The following PICALM variants were observed in gnomAD, a reference collection of about 807,000 sequenced individuals.
PICALM encodes phosphatidylinositol-binding clathrin assembly protein.
PICALM carries 40 observed loss-of-function variants against 80.5 expected under a neutral mutation model. That is an observed-to-expected ratio of 0.50 (90% confidence interval 0.39 to 0.65). The LOEUF is 0.65. Ranked by LOEUF, PICALM falls within the 30% of genes least tolerant of loss-of-function variation. The pLI, the probability that PICALM is intolerant of heterozygous loss-of-function variation, is 0.00. For synonymous variants in PICALM, 288 were observed against 260.3 expected, an observed-to-expected ratio of 1.11 and a Z score of -1.02; for missense variants, 676 against 778.9, an observed-to-expected ratio of 0.87 and a Z score of 1.57.
chr11:86,008,088 C>A (rs1022603929), intron 7 of PICALM, among the ~76,000 whole-genome samples: 17 of 152,262 alleles, frequency 1.1e-4, no homozygotes, highest in African/African-American at 4.1e-4. Flanking sequence ...GCCAGGTTTA[C>A]ATAAATGTCA....
chr11:86,036,988 C>G (rs192660253), intron 1 of PICALM, among the ~76,000 whole-genome samples: 21 of 150,684 alleles, frequency 1.4e-4, no homozygotes, highest in Non-Finnish European at 3.0e-4. Context: ...TGCTCTGTAG[C>G]CAGGCTGGAG....
At chr11:86,059,201 G>C (rs1367553198) in intron 1 of PICALM, among the ~76,000 whole-genome samples, 1 of 152,198 alleles carries the variant, frequency 6.6e-6, no homozygotes, top group Non-Finnish European at 1.5e-5. Context: ...TCATGGAATA[G>C]TCTGAGCTAT....
intron 4 of PICALM, among the ~76,000 whole-genome samples, chr11:86,019,447 T>C (rs1404146658): frequency 6.6e-6 from 1 of 152,168 alleles, no homozygotes; most frequent in Non-Finnish European, 1.5e-5. Context: ...GACTGCTCTA[T>C]TAAATAAAAA....
chr11:85,998,841 C>T (rs147924330), intron 11 of PICALM, among the ~76,000 whole-genome samples: 279 of 152,268 alleles, frequency 1.8e-3, no homozygotes, highest in Non-Finnish European at 3.3e-3. Context: ...CCCAGGCTAG[C>T]TTGTACGGCT....
chr11:86,041,641 A>G (rs1178634415), intron 1 of PICALM, among the ~76,000 whole-genome samples: 1 of 152,184 alleles, frequency 6.6e-6, no homozygotes, highest in Non-Finnish European at 1.5e-5. Context: ...TCATGGCTGA[A>G]CCCAAGCCAA....
At chr11:86,060,247 A>G (rs746487524) in intron 1 of PICALM, among the ~76,000 whole-genome samples, 3 of 152,192 alleles carry the variant, frequency 2.0e-5, no homozygotes, top group Non-Finnish European at 4.4e-5. Flanking sequence ...CACTTTTAAA[A>G]TTGAGGAGCC....
chr11:86,020,975 C>T (rs975711711), intron 4 of PICALM, among the ~76,000 whole-genome samples: 9 of 152,012 alleles, frequency 5.9e-5, no homozygotes, highest in Non-Finnish European at 1.3e-4. Context: ...ATTATTTATG[C>T]GATAAGAAAC....
rs1049273053 is a variant in PICALM at position 86,056,678 on chromosome 11, C to T, written c.130+11973G>A. ...CAGTAATTTTACTCCTAGATATATA[C>T]CTAAGAGAACTGAAAATATGTTCAC... On this transcript the variant is annotated intron_variant, in intron 1 of 19. Coordinates refer to ENST00000393346, the MANE Select transcript of PICALM (RefSeq NM_007166.4). 3.3e-5 allele frequency among the ~76,000 whole-genome samples: 5 copies of T among 152,124 alleles called. 1 individual carries two copies. In the Middle Eastern group the frequency reaches 0.01, roughly 313 times the overall value.
chr11:86,039,601 T>C (rs1030268719), intron 1 of PICALM, among the ~76,000 whole-genome samples: 2 of 152,150 alleles, frequency 1.3e-5, no homozygotes, highest in Admixed American at 1.3e-4. Flanking sequence ...AAGTTCTTCC[T>C]GAAGAAGGTA....
intron 1 of PICALM, among the ~76,000 whole-genome samples, chr11:86,041,748 G>T (rs1295771833): frequency 1.3e-5 from 2 of 152,052 alleles, no homozygotes; most frequent in Non-Finnish European, 2.9e-5. Flanking sequence ...AATCAACACT[G>T]AAAACACATT....
intron 13 of PICALM, among the ~76,000 whole-genome samples, chr11:85,989,236 T>A (rs1258258068): frequency 6.6e-6 from 1 of 152,200 alleles, no homozygotes. Context: ...TATCACACTT[T>A]GGATATATAT....
At chr11:85,964,920 A>T (rs913077563) in intron 19 of PICALM, among the ~76,000 whole-genome samples, 38 of 152,242 alleles carry the variant, frequency 2.5e-4, no homozygotes, top group African/African-American at 8.7e-4. Context: ...CAAAGAAATT[A>T]TTACAACTGT....
chr11:85,981,137 C>T lies in PICALM; in HGVS notation c.1771G>A (p.Ala591Thr), dbSNP rs766288437. The change falls in exon 17 of 20, where the codon GCA becomes ACA. Residue 591 changes from alanine (A) to threonine (T), a missense_variant. This residue lies in a region of PICALM where 391 missense variants were observed against 383.6 expected (regional missense o/e 1.02). Transcript: ENST00000393346. ...KVAPTTAWNA[A>T]TMAPPVMAYP... ...GAGCTTTTTCAACTCACCATTGTTGCAGCATTCCAAGCGGTTGTTGGTGCA... is the reference window on the plus strand; with the variant it reads ...GAGCTTTTTCAACTCACCATTGTTGTAGCATTCCAAGCGGTTGTTGGTGCA... 6.5e-7 allele frequency: 1 copy of T among 1,545,904 alleles called. No individual in the cohort carries two copies. The highest frequency in any genetic ancestry group is 8.9e-7 in the Non-Finnish European group (1 of 1,118,530).
intron 1 of PICALM, among the ~76,000 whole-genome samples, chr11:86,047,201 T>A (rs911603970): frequency 6.6e-6 from 1 of 152,222 alleles, no homozygotes; most frequent in East Asian, 1.9e-4. Context: ...GTGAGACTTA[T>A]CATTTTCTCT....
chr11:86,026,553 C>T lies in PICALM; in HGVS notation c.274-186G>A, dbSNP rs77120528. ...ATAATACATATTTTTCACTAGCATG[C>T]GAGAATTTATTAAAGCCTAATGCCC... is the stretch of plus-strand genomic sequence containing the variant. On this transcript the variant is annotated intron_variant, in intron 2 of 19. Coordinates refer to ENST00000393346, the MANE Select transcript of PICALM (RefSeq NM_007166.4). 8.7e-3 allele frequency among the ~76,000 whole-genome samples: 1,329 copies of T among 152,040 alleles called. 18 individuals carry two copies. The highest frequency in any genetic ancestry group is 0.03 in the African/African-American group (1,242 of 41,460).
chr11:86,011,822 C>G (rs2095399318), intron 6 of PICALM, among the ~76,000 whole-genome samples: 1 of 151,026 alleles, frequency 6.6e-6, no homozygotes, highest in Non-Finnish European at 1.5e-5. Flanking sequence ...TGGTAAAATA[C>G]CTGTAACATA....
chr11:86,045,887 A>G (rs894926141), intron 1 of PICALM, among the ~76,000 whole-genome samples: 3 of 152,178 alleles, frequency 2.0e-5, no homozygotes, highest in African/African-American at 7.2e-5. Context: ...TATGATGCCA[A>G]ACGATCTTCA....
chr11:86,024,098 A>C (rs1466059622), intron 3 of PICALM, among the ~76,000 whole-genome samples: 1 of 152,148 alleles, frequency 6.6e-6, no homozygotes, highest in African/African-American at 2.4e-5. Context: ...CACTGCACCC[A>C]GCCTAGGTGA....
chr11:85,996,185 A>G (rs542167), intron 12 of PICALM, among the ~76,000 whole-genome samples: 123,738 of 152,040 alleles, frequency 0.81, 50,539 homozygotes, highest in African/African-American at 0.88. Context: ...TTTATATACT[A>G]TAAAAACTCA....
Sources: allele counts gnomAD v4.1 joint callset (sites outside exome capture counted in the v4.1 genomes callset), GRCh38; gene constraint gnomAD v4.1.1; regional missense constraint gnomAD v4.1.1; transcripts MANE v1.5; gene names NCBI Gene and HGNC (gene_info 2026-07-23, HGNC 2026-07-21).